MPPED2: variants seen among roughly 807,000 people sequenced by gnomAD.
The protein encoded by MPPED2 is metallophosphoesterase domain containing 2.
A neutral mutation model predicts 33.0 loss-of-function variants in MPPED2; 5 were observed. That is an observed-to-expected ratio of 0.15 (90% CI 0.08 to 0.32). MPPED2 has a LOEUF of 0.32. Ranked by LOEUF, MPPED2 falls within the 10% of genes least tolerant of loss-of-function variation. MPPED2 has a pLI of 1.00. For missense variants in MPPED2, 275 were observed against 372.1 expected (o/e 0.74, Z 2.15); for synonymous variants, 136 against 141.9 (o/e 0.96, Z 0.29).
chr11:30,491,213 T>G (rs1427631432), intron 4 of MPPED2, among the ~76,000 whole-genome samples: 1 of 152,162 alleles, frequency 6.6e-6, no homozygotes, highest in South Asian at 2.1e-4. Context: ...ATAAAAGAGG[T>G]TAAAAATTGT....
At chr11:30,547,603 A>G (rs1955491441) in intron 2 of MPPED2, among the ~76,000 whole-genome samples, 1 of 152,226 alleles carries the variant, frequency 6.6e-6, no homozygotes, top group Non-Finnish European at 1.5e-5. Context: ...TAACTTATAG[A>G]TAATGAAAAG....
intron 3 of MPPED2, 72 bp from the exon 4 acceptor site, chr11:30,495,593 T>A (rs1952214893): frequency 4.4e-6 from 5 of 1,135,984 alleles, no homozygotes; most frequent in Non-Finnish European, 6.5e-6. Flanking sequence ...CGAGACTGTG[T>A]GATTAGCAGA....
chr11:30,416,352 C>T (rs1018811733), intron 5 of MPPED2, among the ~76,000 whole-genome samples: 1 of 152,262 alleles, frequency 6.6e-6, no homozygotes, highest in Admixed American at 6.5e-5. Context: ...ACATGGGCCA[C>T]TTCCCTTGTA....
intron 6 of MPPED2, among the ~76,000 whole-genome samples, chr11:30,403,818 A>G (rs542369890): frequency 2.0e-4 from 30 of 152,310 alleles, no homozygotes; most frequent in Middle Eastern, 6.8e-3. Context: ...CTGATCTACT[A>G]CTATGCAAAA....
intron 4 of MPPED2, among the ~76,000 whole-genome samples, chr11:30,427,339 A>T (rs1948884919): frequency 1.3e-5 from 2 of 152,204 alleles, no homozygotes; most frequent in South Asian, 4.1e-4. Flanking sequence ...GTGTGTTGTC[A>T]CACATTTATG....
chr11:30,573,620 A>T (rs1956799529), intron 2 of MPPED2, among the ~76,000 whole-genome samples: 1 of 152,104 alleles, frequency 6.6e-6, no homozygotes, highest in Non-Finnish European at 1.5e-5. Context: ...TCCTGACCCT[A>T]TGTAGGCCTA....
At chr11:30,498,234 A>C (rs182056434) in intron 3 of MPPED2, among the ~76,000 whole-genome samples, 9 of 151,942 alleles carry the variant, frequency 5.9e-5, no homozygotes, top group Non-Finnish European at 1.0e-4. Flanking sequence ...TATAAAAAAA[A>C]CCAAGGCCAT....
At chr11:30,515,840 C>T (rs1953503876) in intron 3 of MPPED2, among the ~76,000 whole-genome samples, 1 of 152,074 alleles carries the variant, frequency 6.6e-6, no homozygotes, top group African/African-American at 2.4e-5. Flanking sequence ...CTTTAAAATC[C>T]CATCAAGCGA....
chr11:30,551,036 ATT>A (rs757665170), intron 2 of MPPED2, among the ~76,000 whole-genome samples: 13 of 152,274 alleles, frequency 8.5e-5, no homozygotes, highest in Admixed American at 2.0e-4. Flanking sequence ...CATAATTTCA[ATT>A]CATTCTCATC....
At chr11:30,521,812 G>A (rs1953892066) in intron 3 of MPPED2, among the ~76,000 whole-genome samples, 1 of 152,188 alleles carries the variant, frequency 6.6e-6, no homozygotes, top group Non-Finnish European at 1.5e-5. Flanking sequence ...GAAGAATGCA[G>A]GATGTGGGAC....
chr11:30,542,964 G>A (rs571027709), intron 2 of MPPED2, among the ~76,000 whole-genome samples: 2 of 152,244 alleles, frequency 1.3e-5, no homozygotes, highest in African/African-American at 4.8e-5. Flanking sequence ...TATCTAGAGA[G>A]ACAGTCCAAA....
rs535259601 is a variant in MPPED2 at position 30,404,725 on chromosome 11, T to C, written c.766+9503A>G. On this transcript the variant is annotated intron_variant, in intron 6 of 6. Transcript: ENST00000448418. ...TACCTTCATGTGTCAATATCTTGTTTTCTTCATCTAGTTATAAAGACTCTT... is the reference window on the plus strand; with the variant it reads ...TACCTTCATGTGTCAATATCTTGTTCTCTTCATCTAGTTATAAAGACTCTT... Among the ~76,000 whole-genome samples the C allele has an allele frequency of 5.6e-4, 86 of 152,366 alleles. No homozygotes were observed. In the South Asian group the frequency reaches 0.013, roughly 24 times the overall value.
At chr11:30,397,309 AT>A (rs1209369443) in intron 6 of MPPED2, among the ~76,000 whole-genome samples, 4 of 152,092 alleles carry the variant, frequency 2.6e-5, no homozygotes, top group African/African-American at 9.7e-5. Flanking sequence ...GGATCTTGTT[AT>A]AAGTTTTCTG....
At chr11:30,428,902 T>C (rs1024437998) in intron 4 of MPPED2, 2 of 152,208 alleles carry the variant, frequency 1.3e-5, no homozygotes, top group African/African-American at 4.8e-5. Context: ...CCTTTGGTTT[T>C]TGTTCCCTAA....
rs143614699 is a variant in MPPED2 at position 30,495,000 on chromosome 11, T to C, written c.536+296A>G. 15 of 334,188 alleles carry C rather than the reference T, an allele frequency of 4.5e-5. No individual in the cohort carries two copies. In the East Asian group the frequency reaches 8.1e-4, roughly 18 times the overall value. The allele number at this position is 334,188 out of a possible 1,614,324, so 20.7% of individuals were successfully genotyped here. On this transcript the variant is annotated intron_variant, in intron 4 of 6. Transcript: ENST00000358117. Reference sequence around the variant, plus strand: ...TTTTATATAAAAGACTTGAGCATGATGGAATTTTATCAGTGGGAGGTCCTG... The same window carrying C: ...TTTTATATAAAAGACTTGAGCATGACGGAATTTTATCAGTGGGAGGTCCTG...
chr11:30,509,563 C>A (rs1328276562), intron 3 of MPPED2, among the ~76,000 whole-genome samples: 2 of 152,184 alleles, frequency 1.3e-5, no homozygotes, highest in South Asian at 2.1e-4. Context: ...AGAGGCCACT[C>A]TTTATAAATG....
At chr11:30,483,031 A>G (rs1201855270) in intron 4 of MPPED2, among the ~76,000 whole-genome samples, 1 of 152,336 alleles carries the variant, frequency 6.6e-6, no homozygotes. Flanking sequence ...AAGGCACTCA[A>G]TACCCTGAAA....
chr11:30,390,672 T>C (rs1947761756), intron 6 of MPPED2, among the ~76,000 whole-genome samples: 1 of 152,230 alleles, frequency 6.6e-6, no homozygotes, highest in Non-Finnish European at 1.5e-5. Context: ...CCTAGTGGCT[T>C]AAAACAACAA....
intron 3 of MPPED2, among the ~76,000 whole-genome samples, chr11:30,498,027 G>T (rs1245287590): frequency 2.6e-5 from 4 of 151,162 alleles, no homozygotes; most frequent in Non-Finnish European, 4.4e-5. Flanking sequence ...GTGTAAACAG[G>T]GCAGCTGACA....
Sources: gnomAD v4.1 joint callset for allele counts (sites outside exome capture counted in the v4.1 genomes callset) on GRCh38, gnomAD v4.1.1 for gene constraint, MANE v1.5 for transcripts, NCBI Gene and HGNC (gene_info 2026-07-23, HGNC 2026-07-21) for gene names.